The following NOTCH2NLR variants were observed in gnomAD, a reference collection of about 807,000 sequenced individuals.
The protein encoded by NOTCH2NLR is notch 2 N-terminal like R, also known as notch 2 N-terminal like R (pseudogene).
Under a neutral mutation model 35.6 loss-of-function variants are expected in NOTCH2NLR, and 33 were observed. The ratio of observed to expected loss-of-function variants is 0.93; its 90% CI spans 0.70 to 1.24. The LOEUF (loss-of-function observed/expected upper bound fraction) is 1.24, where lower values mean the gene tolerates loss of function less well. Among genes scored for constraint, NOTCH2NLR ranks in the 50% most tolerant of loss-of-function variants. The pLI is 0.00. For synonymous variants in NOTCH2NLR, 103 were observed against 141.0 expected, an observed-to-expected ratio of 0.73 and a Z score of 1.91; for missense variants, 276 against 362.2, an observed-to-expected ratio of 0.76 and a Z score of 1.93.
chr1:120,729,046 G>A (rs1386488960), intron 1 of NOTCH2NLR, among the ~76,000 whole-genome samples: 1 of 115,720 alleles, frequency 8.6e-6, no homozygotes, highest in Non-Finnish European at 1.6e-5. Context: ...CTTAGTCACA[G>A]CATCTATGAC....
chr1:120,793,642 GT>G, intron 4 of NOTCH2NLR, 104 bp from the exon 5 acceptor site: 1 of 610,840 alleles, frequency 1.6e-6, no homozygotes. Flanking sequence ...TGAGGGAGGA[GT>G]TTTATGGGCC....
intron 1 of NOTCH2NLR, among the ~76,000 whole-genome samples, chr1:120,762,250 AAGTT>A (rs1651142876): frequency 1.4e-5 from 1 of 73,922 alleles, no homozygotes; most frequent in Non-Finnish European, 2.4e-5. Flanking sequence ...GGTATTTAGT[AAGTT>A]CTATGTGTTA....
intron 2 of NOTCH2NLR, among the ~76,000 whole-genome samples, chr1:120,770,251 G>T (rs1651247463): frequency 9.6e-6 from 1 of 104,112 alleles, no homozygotes; most frequent in Non-Finnish European, 1.8e-5. Flanking sequence ...CTCACTGCAA[G>T]CTCCGCCTCC....
rs1390521232 is a variant in NOTCH2NLR, at chr1:120,770,718, G to T, written c.155+7009G>T. ...TGTAGCTAACCTGAGATATACTCGT[G>T]GAAAATGTACTGTCACCTTGAGTCT... On this transcript the variant is annotated intron_variant, in intron 2 of 4. Transcript: ENST00000624419. Among the ~76,000 whole-genome samples, 2 of 119,420 alleles carry T rather than the reference G, an allele frequency of 1.7e-5. 1 individual carries two copies. Among genetic ancestry groups the T allele is most frequent in the Non-Finnish European group, 3.3e-5 (2 of 61,472 alleles). 78.3% of individuals were successfully genotyped at this position (119,420 alleles called of 152,430 possible).
At chr1:120,785,226 G>T (rs1651412488) in exon 3 of NOTCH2NLR, 2 of 1,445,238 alleles carry the variant, frequency 1.4e-6, no homozygotes. Flanking sequence ...GTCAAGTCGG[G>T]TTTACAGGTA....
At chr1:120,790,586 T>TTCTTTC (rs1651479979) in intron 3 of NOTCH2NLR, among the ~76,000 whole-genome samples, 4 of 103,286 alleles carry the variant, frequency 3.9e-5, no homozygotes, top group Non-Finnish European at 7.2e-5. Flanking sequence ...CTTTCTTTCT[T>TTCTTTC]TCTTTCTCTT....
At chr1:120,794,193 G>C (rs1293900223), downstream of NOTCH2NLR, among the ~76,000 whole-genome samples, 516 of 116,138 alleles carry the variant, frequency 4.4e-3, 33 homozygotes, top group Non-Finnish European at 6.0e-3. Context: ...TACAAGTGTT[G>C]TAGAGTGCAC....
At chr1:120,769,604 ATAGAG>A (rs1267634273) in intron 2 of NOTCH2NLR, among the ~76,000 whole-genome samples, 3 of 122,376 alleles carry the variant, frequency 2.5e-5, no homozygotes, top group East Asian at 2.0e-4. Flanking sequence ...AATACCTCTC[ATAGAG>A]TAATCTTTTC....
chr1:120,763,609 C>T lies in NOTCH2NLR; in HGVS notation c.74-19C>T. The T allele has an allele frequency of 8.5e-7, 1 of 1,181,242 alleles. No individual in the cohort carries two copies. The highest frequency in any genetic ancestry group is 1.3e-5 in the South Asian group (1 of 77,518). The allele number at this position is 1,181,242 out of a possible 1,614,324, so 73.2% of individuals were successfully genotyped here. ...TGATTAGTGACTTACTTCTAATGTG[C>T]ATTTGTTTTTATTTTTAGCATTGCA... On this transcript the variant is annotated intron_variant, in intron 1 of 4. Coordinates refer to ENST00000624419, the Ensembl canonical transcript of NOTCH2NLR.
At chr1:120,764,001 C>T in intron 2 of NOTCH2NLR, among the ~76,000 whole-genome samples, 1 of 114,974 alleles carries the variant, frequency 8.7e-6, no homozygotes, top group East Asian at 2.1e-4. Flanking sequence ...GTAATCCCAG[C>T]ACTTCAGGAG....
In NOTCH2NLR at chr1:120,724,378, C is replaced by T. The variant is rs1470106125; in HGVS notation, c.73+128C>T. The T allele has an allele frequency of 1.9e-5, 25 of 1,346,846 alleles. 5 individuals are homozygous for T. The highest frequency in any genetic ancestry group is 5.4e-5 in the African/African-American group (2 of 37,178). 83.4% of individuals were successfully genotyped at this position (1,346,846 alleles called of 1,614,324 possible). A position where few individuals can be genotyped will look rare whatever the true frequency, so the allele number is the denominator to read the frequency against. On this transcript the variant is annotated intron_variant, in intron 1 of 4. Coordinates refer to ENST00000624419, the Ensembl canonical transcript of NOTCH2NLR. ...GCCGCCGGCGCGGAGTGAGGCCACT[C>T]GCTGGGTTCCCAAGAGTTTGGACAT... is the stretch of plus-strand genomic sequence containing the variant.
At chr1:120,790,476 C>T (rs1226318413) in intron 3 of NOTCH2NLR, among the ~76,000 whole-genome samples, 2 of 116,448 alleles carry the variant, frequency 1.7e-5, no homozygotes, top group Non-Finnish European at 3.3e-5. Flanking sequence ...AAGTTAGTGC[C>T]TATACATAAT....
rs1171756806 is a variant in NOTCH2NLR, at chr1:120,776,299, TAA to T, written c.156-8674_156-8673del. ...AGGAAATAACATTTAAGTTGAGACT[TAA>T]TGAAATTTTAGGGCTTAGCCATGAG... is the stretch of plus-strand genomic sequence containing the variant. On this transcript the variant is annotated intron_variant, in intron 2 of 4. Coordinates refer to ENST00000624419, the Ensembl canonical transcript of NOTCH2NLR. Among the ~76,000 whole-genome samples the T allele has an allele frequency of 1.9e-5, 2 of 106,710 alleles. 1 individual carries two copies. Among genetic ancestry groups the T allele is most frequent in the Non-Finnish European group, 3.5e-5 (2 of 57,330 alleles). The allele number at this position is 106,710 out of a possible 152,430, so 70.0% of individuals were successfully genotyped here. A position where few individuals can be genotyped will look rare whatever the true frequency, so the allele number is the denominator to read the frequency against.
rs1232808876 is a variant in NOTCH2NLR, at chr1:120,784,591, A to G, written c.156-383A>G. Among the ~76,000 whole-genome samples, 3 of 117,674 alleles carry G rather than the reference A, an allele frequency of 2.5e-5. 1 individual carries two copies. The highest frequency in any genetic ancestry group is 4.9e-5 in the Non-Finnish European group (3 of 61,196). 77.2% of individuals were successfully genotyped at this position (117,674 alleles called of 152,430 possible). A position where few individuals can be genotyped will look rare whatever the true frequency, so the allele number is the denominator to read the frequency against. On this transcript the variant is annotated intron_variant, in intron 2 of 4. Transcript: ENST00000624419. ...AGGTCTTCTCTGATTTTCCTATTCT[A>G]AACTGAGATACTTCTCTTTGCTCAC...
chr1:120,767,887 A>C (rs1299333118), intron 2 of NOTCH2NLR, among the ~76,000 whole-genome samples: 3 of 115,324 alleles, frequency 2.6e-5, no homozygotes, highest in Admixed American at 1.7e-4. Context: ...TATTGTAGTT[A>C]TTTAAAATCT....
Position 120,789,490 on chromosome 1 carries a change from G to A in NOTCH2NLR, c.416-3671G>A, listed in dbSNP as rs1489501821. 5.3e-5 allele frequency among the ~76,000 whole-genome samples: 6 copies of A among 114,162 alleles called. 1 individual carries two copies. The East Asian group carries it at 1.3e-3, about 25-fold the overall frequency. 74.9% of individuals were successfully genotyped at this position (114,162 alleles called of 152,430 possible). A position where few individuals can be genotyped will look rare whatever the true frequency, so the allele number is the denominator to read the frequency against. On this transcript the variant is annotated intron_variant, in intron 3 of 4. Transcript: ENST00000624419. ...GGTGGTGGCAAGAGAAAATTAGGAA[G>A]AAGCAAAAGCAGAACCCCTGAGGAA...
At chr1:120,790,535 C>CTTTCTTT (rs1553268602) in intron 3 of NOTCH2NLR, among the ~76,000 whole-genome samples, 1 of 76,630 alleles carries the variant, frequency 1.3e-5, no homozygotes, top group Non-Finnish European at 2.3e-5. Context: ...TTTCTCCCTC[C>CTTTCTTT]CTTTCTTTCT....
rs1337516484 is a variant in NOTCH2NLR, at chr1:120,724,313, C to T, written c.73+63C>T. On this transcript the variant is annotated intron_variant, in intron 1 of 4. Transcript: ENST00000624419. ...GGGGCTGCCACCTGGGGCGACCCTT[C>T]TCCCCCTCAGTCCTTCTCTGTGTGG... 7 of 1,362,920 alleles carry T rather than the reference C, an allele frequency of 5.1e-6. 1 individual carries two copies. In the East Asian group the frequency reaches 1.3e-4, roughly 25 times the overall value. The allele number at this position is 1,362,920 out of a possible 1,614,324, so 84.4% of individuals were successfully genotyped here.
intron 1 of NOTCH2NLR, among the ~76,000 whole-genome samples, chr1:120,756,315 GC>G (rs1337775710): frequency 8.6e-6 from 1 of 116,178 alleles, no homozygotes; most frequent in Non-Finnish European, 1.7e-5. Flanking sequence ...AGATCCTAGG[GC>G]GTAAACTCAG....
Sources: allele counts gnomAD v4.1 joint callset (sites outside exome capture counted in the v4.1 genomes callset), GRCh38; gene constraint gnomAD v4.1.1; transcripts MANE v1.5; gene names NCBI Gene and HGNC (gene_info 2026-07-23, HGNC 2026-07-21).